Variants in ZFYVE28 observed in about 807,000 individuals in gnomAD.
ZFYVE28 encodes lateral signaling target protein 2 homolog.
ZFYVE28 carries 40 observed loss-of-function variants against 82.1 expected under a neutral mutation model. The observed-to-expected ratio is 0.49, with a 90% CI of 0.38 to 0.63. The LOEUF (loss-of-function observed/expected upper bound fraction) is 0.63. Among genes scored for constraint, ZFYVE28 ranks in the 30% least tolerant of loss-of-function variants. The probability of loss-of-function intolerance (pLI) is 0.00; values close to 1 mark genes in which losing one functional copy is unlikely to be tolerated. For synonymous variants in ZFYVE28, 612 were observed against 546.1 expected (o/e 1.12, Z -1.68); for missense variants, 1,321 against 1,242.1 (o/e 1.06, Z -0.96).
At chr4:2,308,503 G>C (rs1716910428) in intron 7 of ZFYVE28, among the ~76,000 whole-genome samples, 1 of 119,802 alleles carries the variant, frequency 8.3e-6, no homozygotes. Flanking sequence ...AGGAAGGAAG[G>C]AAGGGAGGGA....
In ZFYVE28 at chr4:2,353,920, C is replaced by T. The variant is rs757671790; in HGVS notation, c.180+13G>A. On this transcript the variant is annotated intron_variant, in intron 2 of 12. Coordinates refer to ENST00000290974, the MANE Select transcript of ZFYVE28 (RefSeq NM_020972.3). The stretch of plus-strand genomic sequence containing the variant: ...CAGCGGGGCCAGCCAGCTTCTGCTG[C>T]CCCGTGGCTCACCTGACAGGAGCGG... 6.0e-6 allele frequency: 9 copies of T among 1,499,220 alleles called. No homozygotes were observed. In the African/African-American group the frequency reaches 1.1e-4, roughly 19 times the overall value. The allele number at this position is 1,499,220 out of a possible 1,614,324, so 92.9% of individuals were successfully genotyped here.
At chr4:2,296,960 A>C (rs1041466545) in intron 8 of ZFYVE28, among the ~76,000 whole-genome samples, 8 of 152,290 alleles carry the variant, frequency 5.3e-5, no homozygotes, top group African/African-American at 1.9e-4. Context: ...GTCAGCCCTG[A>C]CTGCGCTGCA....
rs1398210330 is a variant in ZFYVE28, at chr4:2,341,402, A to G, written c.318+76T>C. 1.7e-5 allele frequency: 27 copies of G among 1,569,786 alleles called. No individual in the cohort carries two copies. Among genetic ancestry groups the G allele is most frequent in the Non-Finnish European group, 2.2e-5 (26 of 1,156,180 alleles). ...CAGGTCCCGGCACCTGCAGGCGCCC[A>G]TGCACAAGGTTCGCAGGGACTTGGC... On this transcript the variant is annotated intron_variant, in intron 3 of 12. Coordinates refer to ENST00000290974, the MANE Select transcript of ZFYVE28 (RefSeq NM_020972.3). The surrounding 1 kb of genome is among the most constrained non-coding windows in gnomAD (Gnocchi z 4.5).
At chr4:2,347,294 A>G (rs1171786022) in intron 2 of ZFYVE28, among the ~76,000 whole-genome samples, 1 of 152,222 alleles carries the variant, frequency 6.6e-6, no homozygotes, top group Non-Finnish European at 1.5e-5. Flanking sequence ...GTAAGACGAC[A>G]TAAACAAATC....
At position 2,368,228 on chromosome 4, in the gene ZFYVE28, A is replaced by C. The variant is rs1465579395; in HGVS notation, c.40-14155T>G. 1.1e-4 allele frequency among the ~76,000 whole-genome samples: 16 copies of C among 151,274 alleles called. 1 individual carries two copies. The highest frequency in any genetic ancestry group is 2.1e-4 in the Non-Finnish European group (14 of 67,754). On this transcript the variant is annotated intron_variant, in intron 1 of 12. Coordinates refer to ENST00000290974, the MANE Select transcript of ZFYVE28 (RefSeq NM_020972.3). ...CATCTCTACAAAAAAAAAAAAAAAA[A>C]AACACTGTATCTACACACAAAAGAT... is the stretch of plus-strand genomic sequence containing the variant.
intron 1 of ZFYVE28, among the ~76,000 whole-genome samples, chr4:2,379,614 A>C (rs1426609684): frequency 6.6e-6 from 1 of 151,900 alleles, no homozygotes; most frequent in East Asian, 1.9e-4. Flanking sequence ...TGGCACGCGC[A>C]CCTCTGCCAA....
chr4:2,285,457 A>G (rs1400661055), intron 8 of ZFYVE28: 1 of 152,228 alleles, frequency 6.6e-6, no homozygotes, highest in Non-Finnish European at 1.5e-5. Context: ...AGCCCTAATA[A>G]CTTCCAGCAG....
At chr4:2,358,735 C>T (rs1019812900) in intron 1 of ZFYVE28, among the ~76,000 whole-genome samples, 7 of 152,132 alleles carry the variant, frequency 4.6e-5, no homozygotes, top group African/African-American at 1.7e-4. Flanking sequence ...CCCCCAAATT[C>T]AAACATTGAA....
intron 7 of ZFYVE28, among the ~76,000 whole-genome samples, chr4:2,313,213 T>A (rs1380032471): frequency 1.3e-5 from 2 of 151,928 alleles, no homozygotes; most frequent in Admixed American, 1.3e-4. Context: ...CTTTACGGTC[T>A]GTCATATAAT....
chr4:2,340,983 G>A (rs1722704236), intron 3 of ZFYVE28, among the ~76,000 whole-genome samples: 1 of 152,064 alleles, frequency 6.6e-6, no homozygotes, highest in Admixed American at 6.5e-5. Context: ...GTGGGGGCCT[G>A]GGGGAGACTG....
intron 10 of ZFYVE28, among the ~76,000 whole-genome samples, chr4:2,272,918 G>A (rs1469118524): frequency 6.6e-6 from 1 of 152,266 alleles, no homozygotes; most frequent in African/African-American, 2.4e-5. Context: ...GTTTGCAGGG[G>A]TGGAGTGACT....
chr4:2,274,908 G>A (rs952175663), intron 8 of ZFYVE28, among the ~76,000 whole-genome samples: 3 of 135,488 alleles, frequency 2.2e-5, no homozygotes, highest in East Asian at 1.9e-4. Flanking sequence ...GCCTGCAGAC[G>A]GAGTGAGGTT....
At chr4:2,327,291 TATATATATATATATATATCG>T (rs1423273223) in intron 6 of ZFYVE28, among the ~76,000 whole-genome samples, 3 of 46,944 alleles carry the variant, frequency 6.4e-5, no homozygotes, top group African/African-American at 2.0e-4. Flanking sequence ...TATATATATA[TATATATATATATATATATCG>T]AATAAAGTTG....
At chr4:2,311,616 T>C (rs1415938242) in intron 7 of ZFYVE28, among the ~76,000 whole-genome samples, 1 of 152,256 alleles carries the variant, frequency 6.6e-6, no homozygotes, top group Non-Finnish European at 1.5e-5. Flanking sequence ...ATTTTTATTA[T>C]TTCTTTTCTC....
intron 1 of ZFYVE28, among the ~76,000 whole-genome samples, chr4:2,398,913 G>A (rs113466791): frequency 0.053 from 3,780 of 71,214 alleles, 361 homozygotes; most frequent in African/African-American, 0.063. Flanking sequence ...GTGTGGAGCT[G>A]AGATCCAGGG....
At chr4:2,319,436 T>G (rs1452377399) in intron 7 of ZFYVE28, among the ~76,000 whole-genome samples, 1 of 152,176 alleles carries the variant, frequency 6.6e-6, no homozygotes, top group African/African-American at 2.4e-5. Context: ...CACTTTTCAC[T>G]GTCTGGACTC....
rs138187406 is a variant in ZFYVE28, at chr4:2,319,653, A to C, written c.803+517T>G. Among the ~76,000 whole-genome samples the C allele has an allele frequency of 7.3e-3, 1,108 of 152,242 alleles. 18 individuals carry two copies. Among genetic ancestry groups the C allele is most frequent in the African/African-American group, 0.025 (1,045 of 41,538 alleles). On this transcript the variant is annotated intron_variant, in intron 7 of 12. Coordinates refer to ENST00000290974, the MANE Select transcript of ZFYVE28 (RefSeq NM_020972.3). ...CGGCTGGGCTCTGTCGGCTCAGGCC[A>C]CCCAGCAAAGCCCTTGGCCCATATG...
chr4:2,373,392 G>A (rs187615410), intron 1 of ZFYVE28, among the ~76,000 whole-genome samples: 33 of 152,108 alleles, frequency 2.2e-4, no homozygotes, highest in African/African-American at 5.5e-4. Context: ...CCAGCTACTC[G>A]GGAGGCTGAA....
At chr4:2,298,445 C>G (rs770384039) in intron 8 of ZFYVE28, among the ~76,000 whole-genome samples, 11 of 152,218 alleles carry the variant, frequency 7.2e-5, no homozygotes, top group Non-Finnish European at 1.3e-4. Context: ...GCACTCCCCA[C>G]CATGACTCCA....
Sources: gnomAD v4.1 joint callset for allele counts (sites outside exome capture counted in the v4.1 genomes callset) on GRCh38, gnomAD v4.1.1 for gene constraint, Gnocchi (gnomAD v3.1) non-coding constraint, MANE v1.5 for transcripts, NCBI Gene and HGNC (gene_info 2026-07-23, HGNC 2026-07-21) for gene names.